AKAP6: variants seen among roughly 807,000 people sequenced by gnomAD.
AKAP6 encodes A-kinase anchor protein 6.
In AKAP6, 58 loss-of-function variants were observed where a neutral mutation model predicts 188.5. The observed-to-expected ratio is 0.31, with a 90% CI of 0.25 to 0.38. The LOEUF (loss-of-function observed/expected upper bound fraction) is 0.38. AKAP6 is among the 10% of genes least tolerant of loss of function. The pLI, the probability that AKAP6 is intolerant of heterozygous loss-of-function variation, is 1.00. For synonymous variants in AKAP6, 989 were observed against 998.6 expected (o/e 0.99, Z 0.18); for missense variants, 2,710 against 2,740.0 (o/e 0.99, Z 0.24).
intron 1 of AKAP6, among the ~76,000 whole-genome samples, chr14:32,368,481 G>A (rs559347036): frequency 6.6e-6 from 1 of 152,068 alleles, no homozygotes; most frequent in Non-Finnish European, 1.5e-5. Context: ...CACAGTGCGA[G>A]GACATTTCCT....
intron 8 of AKAP6, among the ~76,000 whole-genome samples, chr14:32,685,618 G>T (rs1448103866): frequency 6.6e-6 from 1 of 151,594 alleles, no homozygotes; most frequent in African/African-American, 2.4e-5. Flanking sequence ...CAGCTACTAG[G>T]GAGGCTGAGG....
At chr14:32,629,457 TG>T (rs928140660) in intron 7 of AKAP6, among the ~76,000 whole-genome samples, 6 of 142,252 alleles carry the variant, frequency 4.2e-5, no homozygotes, top group Admixed American at 2.1e-4. Flanking sequence ...AAGGCAGTCA[TG>T]TTTTTTTTTT....
intron 9 of AKAP6, among the ~76,000 whole-genome samples, chr14:32,720,578 T>G (rs2030478934): frequency 6.6e-6 from 1 of 152,242 alleles, no homozygotes; most frequent in Non-Finnish European, 1.5e-5. Flanking sequence ...GGATTTCTTA[T>G]AGCACATATT....
intron 1 of AKAP6, among the ~76,000 whole-genome samples, chr14:32,370,210 C>T (rs1050902847): frequency 2.0e-4 from 30 of 152,342 alleles, no homozygotes; most frequent in African/African-American, 7.2e-4. Flanking sequence ...ACCAGAAAGA[C>T]TGTCCACAAA....
At chr14:32,554,222 GA>G (rs1352736594) in intron 4 of AKAP6, among the ~76,000 whole-genome samples, 1 of 152,228 alleles carries the variant, frequency 6.6e-6, no homozygotes, top group Admixed American at 6.5e-5. Flanking sequence ...TTCAGTGACA[GA>G]GTTGAATAGT....
At chr14:32,746,698 C>T (rs996999531) in intron 11 of AKAP6, among the ~76,000 whole-genome samples, 1 of 152,162 alleles carries the variant, frequency 6.6e-6, no homozygotes, top group African/African-American at 2.4e-5. Context: ...AAGTAACTTA[C>T]TCAAGGTCAT....
At chr14:32,570,782 C>G (rs2139242041) in intron 4 of AKAP6, among the ~76,000 whole-genome samples, 1 of 152,318 alleles carries the variant, frequency 6.6e-6, no homozygotes, top group South Asian at 2.1e-4. Context: ...ATTAGCCACA[C>G]TGGCTTATGA....
chr14:32,708,619 A>C (rs1314091122), intron 9 of AKAP6, among the ~76,000 whole-genome samples: 1 of 150,884 alleles, frequency 6.6e-6, no homozygotes, highest in Non-Finnish European at 1.5e-5. Context: ...AAATAATCAT[A>C]TATGGCCATT....
chr14:32,725,003 A>AAAAAAAAAC lies in AKAP6; in HGVS notation c.3001-7443_3001-7442insCAAAAAAAA, dbSNP rs2030781752. On this transcript the variant is annotated intron_variant, in intron 9 of 13. Coordinates refer to ENST00000280979, the MANE Select transcript of AKAP6 (RefSeq NM_004274.5). The stretch of plus-strand genomic sequence containing the variant: ...TTATATTCAACCTAAAAAAAAAAAA[A>AAAAAAAAAC]AAAAAAAAAAAAAACAATTTTCCTG... 1.5e-4 allele frequency among the ~76,000 whole-genome samples: 22 copies of AAAAAAAAAC among 149,122 alleles called. 1 individual carries two copies. The South Asian group carries it at 4.3e-3, about 29-fold the overall frequency.
chr14:32,773,683 C>G lies in AKAP6; in HGVS notation c.3378C>G (p.Leu1126=), dbSNP rs2032965957. Residue 1126 remains leucine, a synonymous_variant, in exon 12 of 14, where the codon CTC becomes CTG. Coordinates refer to ENST00000280979, the MANE Select transcript of AKAP6 (RefSeq NM_004274.5). The part of the protein sequence containing the change: ...TEKQLQYFKS[L]CREIKQRRRG... ...GGTTTCTCTCTATGTTGCAGTCCCT[C>G]TGTCGTGAAATCAAGCAACGACGTC... The G allele has an allele frequency of 6.2e-7, 1 of 1,613,834 alleles. No individual in the cohort carries two copies. Among genetic ancestry groups the G allele is most frequent in the East Asian group, 2.2e-5 (1 of 44,876 alleles).
chr14:32,504,774 A>C (rs183955394), intron 2 of AKAP6, among the ~76,000 whole-genome samples: 9 of 152,234 alleles, frequency 5.9e-5, no homozygotes, highest in Middle Eastern at 6.8e-3. Flanking sequence ...ACAATAAACA[A>C]CTCTCAGATC....
At chr14:32,507,137 A>G (rs1020233900) in intron 2 of AKAP6, among the ~76,000 whole-genome samples, 1 of 152,198 alleles carries the variant, frequency 6.6e-6, no homozygotes, top group African/African-American at 2.4e-5. Context: ...TATTGTCTGT[A>G]TCTATCCAAC....
At chr14:32,750,206 T>A (rs1054640004) in intron 11 of AKAP6, among the ~76,000 whole-genome samples, 7 of 152,142 alleles carry the variant, frequency 4.6e-5, no homozygotes, top group South Asian at 2.1e-4. Context: ...GGATTTTTTT[T>A]AATTACGTAT....
intron 4 of AKAP6, among the ~76,000 whole-genome samples, chr14:32,556,628 C>T (rs560707335): frequency 2.0e-5 from 3 of 152,286 alleles, no homozygotes; most frequent in South Asian, 2.1e-4. Context: ...CAGGCATAAG[C>T]CCCCGCACCT....
At chr14:32,799,740 T>C (rs1021224033) in intron 12 of AKAP6, among the ~76,000 whole-genome samples, 2 of 152,154 alleles carry the variant, frequency 1.3e-5, no homozygotes, top group African/African-American at 4.8e-5. Context: ...GTAGTATGTC[T>C]TGGTGAATGT....
At chr14:32,481,843 T>G (rs1342661512) in intron 2 of AKAP6, among the ~76,000 whole-genome samples, 1 of 152,202 alleles carries the variant, frequency 6.6e-6, no homozygotes, top group Non-Finnish European at 1.5e-5. Context: ...ATTTCTTTGC[T>G]CCTTTTAGAG....
At chr14:32,660,935 TC>T (rs1217161230) in intron 7 of AKAP6, among the ~76,000 whole-genome samples, 2 of 38,994 alleles carry the variant, frequency 5.1e-5, no homozygotes, top group South Asian at 1.6e-3. Flanking sequence ...CCCCCCCCCC[TC>T]CCAATTCCAG....
At chr14:32,471,287 GT>G (rs1479530635) in intron 2 of AKAP6, among the ~76,000 whole-genome samples, 5 of 152,250 alleles carry the variant, frequency 3.3e-5, no homozygotes, top group Middle Eastern at 3.4e-3. Flanking sequence ...AGTACCATGG[GT>G]TAGGCTTATG....
At chr14:32,344,271 T>C (rs952347742) in intron 1 of AKAP6, among the ~76,000 whole-genome samples, 14 of 152,220 alleles carry the variant, frequency 9.2e-5, no homozygotes, top group Non-Finnish European at 2.1e-4. Flanking sequence ...GTAGTGATTA[T>C]AAGACCAAGA....
Sources: gnomAD v4.1 joint callset for allele counts (sites outside exome capture counted in the v4.1 genomes callset) on GRCh38, gnomAD v4.1.1 for gene constraint, MANE v1.5 for transcripts, NCBI Gene and HGNC (gene_info 2026-07-23, HGNC 2026-07-21) for gene names.